HCN1: variants seen among roughly 807,000 people sequenced by gnomAD.
HCN1 encodes hyperpolarization activated cyclic nucleotide gated potassium channel 1.
In HCN1, 13 loss-of-function variants were observed where a neutral mutation model predicts 78.9. That is an observed-to-expected ratio of 0.16 (90% confidence interval 0.11 to 0.26). HCN1 has a LOEUF of 0.26. Ranked by LOEUF, HCN1 falls within the 10% of genes least tolerant of loss-of-function variation. HCN1 has a pLI of 1.00. For missense variants in HCN1, 810 were observed against 1,154.3 expected (o/e 0.70, Z 4.32); for synonymous variants, 552 against 455.5 (o/e 1.21, Z -2.70).
chr5:45,562,309 T>G (rs1743621013), intron 2 of HCN1, among the ~76,000 whole-genome samples: 1 of 152,188 alleles, frequency 6.6e-6, no homozygotes, highest in South Asian at 2.1e-4. Flanking sequence ...CCTAACATCT[T>G]TCTCTTGATA....
intron 2 of HCN1, among the ~76,000 whole-genome samples, chr5:45,570,506 A>C (rs1183416946): frequency 6.6e-6 from 1 of 152,190 alleles, no homozygotes; most frequent in Non-Finnish European, 1.5e-5. Context: ...TAAGACACTG[A>C]TAAGACAAGC....
rs553970603 is a variant in HCN1, at chr5:45,428,175, G to A, written c.1012-31465C>T. On this transcript the variant is annotated intron_variant, in intron 3 of 7. Coordinates refer to ENST00000303230, the MANE Select transcript of HCN1 (RefSeq NM_021072.4). ...AATGAATGCAAAGCACCTGGCATAT[G>A]ATAGATGCAACATTTGTAAATACTT... Among the ~76,000 whole-genome samples the A allele has an allele frequency of 2.6e-5, 4 of 152,076 alleles. No individual in the cohort carries two copies. In the East Asian group the frequency reaches 7.7e-4, roughly 29 times the overall value.
chr5:45,582,085 G>T (rs1343863410), intron 2 of HCN1, among the ~76,000 whole-genome samples: 1 of 152,128 alleles, frequency 6.6e-6, no homozygotes, highest in African/African-American at 2.4e-5. Context: ...GCTGGGGATG[G>T]CATTGAATCT....
At chr5:45,668,451 G>GT (rs1746091805) in intron 1 of HCN1, among the ~76,000 whole-genome samples, 2 of 151,882 alleles carry the variant, frequency 1.3e-5, no homozygotes, top group Non-Finnish European at 2.9e-5. Context: ...CGCCATGATT[G>GT]TAAGTTTCCT....
intron 3 of HCN1, among the ~76,000 whole-genome samples, chr5:45,451,924 T>C (rs968951183): frequency 4.6e-5 from 7 of 151,988 alleles, no homozygotes; most frequent in African/African-American, 1.7e-4. Context: ...GATCTCTAAA[T>C]ACACATCATT....
At chr5:45,617,532 C>T (rs1279116060) in intron 2 of HCN1, 2 of 152,100 alleles carry the variant, frequency 1.3e-5, no homozygotes, top group Non-Finnish European at 2.9e-5. Flanking sequence ...TATTTCCATT[C>T]ATATTCCATT....
intron 1 of HCN1, among the ~76,000 whole-genome samples, chr5:45,651,579 T>G (rs1421534021): frequency 2.0e-5 from 3 of 152,014 alleles, no homozygotes; most frequent in Non-Finnish European, 1.5e-5. Context: ...CAAATTTTAT[T>G]TAAAACTGAT....
Position 45,433,059 on chromosome 5 carries a change from C to T in HCN1, c.1011+28787G>A, listed in dbSNP as rs148719163. On this transcript the variant is annotated intron_variant, in intron 3 of 7. Coordinates refer to ENST00000303230, the MANE Select transcript of HCN1 (RefSeq NM_021072.4). ...CAGCACATGGAAAGACCCCCATGACCGCAATTACCTCCCACCAGGTCCCTC... is the reference window on the plus strand; with the variant it reads ...CAGCACATGGAAAGACCCCCATGACTGCAATTACCTCCCACCAGGTCCCTC... Among the ~76,000 whole-genome samples, 23 of 152,062 alleles carry T rather than the reference C, an allele frequency of 1.5e-4. 1 individual carries two copies. The East Asian group carries it at 3.1e-3, about 20-fold the overall frequency.
chr5:45,378,930 T>C (rs1747747044), intron 4 of HCN1, among the ~76,000 whole-genome samples: 1 of 152,148 alleles, frequency 6.6e-6, no homozygotes, highest in South Asian at 2.1e-4. Context: ...GCTTTATCCA[T>C]GTCCCTACAA....
chr5:45,338,346 A>G (rs1746507236), intron 5 of HCN1, among the ~76,000 whole-genome samples: 2 of 152,140 alleles, frequency 1.3e-5, no homozygotes, highest in Non-Finnish European at 2.9e-5. Flanking sequence ...CAAATTATGC[A>G]ATACTTTCAT....
intron 1 of HCN1, among the ~76,000 whole-genome samples, chr5:45,690,857 T>A (rs1166568673): frequency 6.6e-6 from 1 of 152,084 alleles, no homozygotes; most frequent in East Asian, 1.9e-4. Flanking sequence ...ATTTGCACTG[T>A]ACTTACAAGA....
intron 2 of HCN1, among the ~76,000 whole-genome samples, chr5:45,552,873 G>A (rs1326197355): frequency 2.0e-5 from 3 of 151,902 alleles, no homozygotes; most frequent in Non-Finnish European, 4.4e-5. Context: ...ATAAAAGGAA[G>A]ACACTGGGAA....
intron 6 of HCN1, among the ~76,000 whole-genome samples, chr5:45,277,826 G>T (rs1444780270): frequency 6.6e-6 from 1 of 152,062 alleles, no homozygotes; most frequent in Non-Finnish European, 1.5e-5. Context: ...GTGACTAATA[G>T]AATTAATCAT....
intron 2 of HCN1, among the ~76,000 whole-genome samples, chr5:45,525,406 G>T (rs572497455): frequency 6.6e-6 from 1 of 151,592 alleles, no homozygotes; most frequent in Admixed American, 6.6e-5. Context: ...GAAAAACTGG[G>T]TAACATTTTA....
intron 4 of HCN1, among the ~76,000 whole-genome samples, chr5:45,373,800 CTATAA>C (rs1483634362): frequency 4.4e-5 from 5 of 114,584 alleles, no homozygotes; most frequent in African/African-American, 1.1e-4. Flanking sequence ...TATACGTCAT[CTATAA>C]TATATTACAT....
At chr5:45,569,556 A>G (rs1195082972) in intron 2 of HCN1, among the ~76,000 whole-genome samples, 2 of 151,972 alleles carry the variant, frequency 1.3e-5, no homozygotes, top group African/African-American at 4.8e-5. Context: ...TAATTAATTA[A>G]TTTAATTTAA....
chr5:45,279,216 T>C (rs1300279204), intron 6 of HCN1, among the ~76,000 whole-genome samples: 1 of 152,134 alleles, frequency 6.6e-6, no homozygotes, highest in Non-Finnish European at 1.5e-5. Flanking sequence ...ATATTATCTT[T>C]TATATTTAAA....
At chr5:45,643,089 T>C (rs1256632362) in intron 2 of HCN1, 1 of 152,132 alleles carries the variant, frequency 6.6e-6, no homozygotes, top group Admixed American at 6.6e-5. Context: ...CATTTTACAA[T>C]AATGATAGCA....
chr5:45,477,292 T>C (rs1253018647), intron 2 of HCN1, among the ~76,000 whole-genome samples: 1 of 152,112 alleles, frequency 6.6e-6, no homozygotes, highest in African/African-American at 2.4e-5. Flanking sequence ...GACTAACACA[T>C]TGTTCAGTAA....
Sources: gnomAD v4.1 joint callset for allele counts (sites outside exome capture counted in the v4.1 genomes callset) on GRCh38, gnomAD v4.1.1 for gene constraint, MANE v1.5 for transcripts, NCBI Gene and HGNC (gene_info 2026-07-23, HGNC 2026-07-21) for gene names.